FRAS1: variants seen among roughly 807,000 people sequenced by gnomAD.
FRAS1 encodes Fraser extracellular matrix complex subunit 1, also known as extracellular matrix organizing protein FRAS1.
FRAS1 carries 290 observed loss-of-function variants against 435.2 expected under a neutral mutation model. That is an observed-to-expected ratio of 0.67 (90% CI 0.61 to 0.73). The LOEUF (loss-of-function observed/expected upper bound fraction) is 0.73. Among genes scored for constraint, FRAS1 ranks in the 30% least tolerant of loss-of-function variants. The pLI is 0.00. For missense variants in FRAS1, 4,860 were observed against 5,001.5 expected (o/e 0.97, Z 0.85); for synonymous variants, 1,800 against 1,851.0 (o/e 0.97, Z 0.71).
At chr4:78,473,682 C>T (rs35583270) in intron 53 of FRAS1, 85 bp downstream of exon 53, 9 of 1,011,954 alleles carry the variant, frequency 8.9e-6, no homozygotes, top group African/African-American at 4.9e-5. Context: ...GGGGGCAGCT[C>T]TAGTCACCTC....
intron 31 of FRAS1, among the ~76,000 whole-genome samples, chr4:78,411,312 A>G (rs1342536555): frequency 6.6e-6 from 1 of 151,960 alleles, no homozygotes; most frequent in African/African-American, 2.4e-5. Context: ...GGATTTCACC[A>G]TGTTGGCCAG....
At chr4:78,185,687 A>G (rs1251021535) in intron 2 of FRAS1, among the ~76,000 whole-genome samples, 3 of 152,232 alleles carry the variant, frequency 2.0e-5, no homozygotes, top group Non-Finnish European at 4.4e-5. Flanking sequence ...GCATGTAAAA[A>G]TATCTATACT....
At chr4:78,180,478 G>A (rs1721951194) in intron 2 of FRAS1, among the ~76,000 whole-genome samples, 1 of 152,036 alleles carries the variant, frequency 6.6e-6, no homozygotes, top group Admixed American at 6.5e-5. Context: ...TTGTAATTGG[G>A]GGAACTTCTA....
chr4:78,236,238 G>A (rs1182730843), intron 2 of FRAS1, among the ~76,000 whole-genome samples: 2 of 151,798 alleles, frequency 1.3e-5, no homozygotes, highest in Non-Finnish European at 2.9e-5. Context: ...CAGATTATGG[G>A]GTCTGCATTT....
intron 23 of FRAS1, 67 bp downstream of exon 23, chr4:78,370,051 A>G: frequency 6.7e-7 from 1 of 1,483,122 alleles, no homozygotes; most frequent in Non-Finnish European, 9.2e-7. Context: ...ACTGATGTCT[A>G]GTTTTCCATA....
intron 9 of FRAS1, among the ~76,000 whole-genome samples, chr4:78,276,048 G>A (rs561301428): frequency 6.6e-5 from 10 of 151,966 alleles, no homozygotes; most frequent in South Asian, 2.1e-4. Context: ...TTCCCTTCTC[G>A]CTTCATTTCA....
chr4:78,123,255 T>A (rs1188604360), intron 2 of FRAS1, among the ~76,000 whole-genome samples: 2 of 152,242 alleles, frequency 1.3e-5, no homozygotes, highest in East Asian at 3.8e-4. Flanking sequence ...ATTGCTTTTA[T>A]GTGTCAGGTT....
chr4:78,105,109 G>A (rs559178716), intron 2 of FRAS1, among the ~76,000 whole-genome samples: 1 of 152,214 alleles, frequency 6.6e-6, no homozygotes, highest in Non-Finnish European at 1.5e-5. Context: ...GCATCAGCTG[G>A]CTCCCTGTGG....
At chr4:78,427,039 C>G (rs1049709051) in intron 35 of FRAS1, among the ~76,000 whole-genome samples, 1 of 152,144 alleles carries the variant, frequency 6.6e-6, no homozygotes, top group African/African-American at 2.4e-5. Flanking sequence ...GTTTGAATGT[C>G]CCTTCCCAAA....
At chr4:78,370,474 G>A (rs1203643189) in intron 23 of FRAS1, among the ~76,000 whole-genome samples, 2 of 152,168 alleles carry the variant, frequency 1.3e-5, no homozygotes, top group African/African-American at 2.4e-5. Flanking sequence ...CAGTGCAACC[G>A]TAGGTTGAAA....
intron 43 of FRAS1, among the ~76,000 whole-genome samples, 158 bp downstream of exon 43, chr4:78,447,038 G>C (rs1718859081): frequency 6.6e-6 from 1 of 150,902 alleles, no homozygotes; most frequent in Non-Finnish European, 1.5e-5. Context: ...TATTTTTTTG[G>C]AGTCCTGGTA....
chr4:78,501,897 T>TA (rs1237851733), intron 61 of FRAS1, among the ~76,000 whole-genome samples: 1 of 152,218 alleles, frequency 6.6e-6, no homozygotes, highest in Admixed American at 6.5e-5. Flanking sequence ...TTAATTTTTG[T>TA]AAAAAGTGTA....
At chr4:78,392,661 C>A (rs2110336845) in intron 29 of FRAS1, among the ~76,000 whole-genome samples, 1 of 152,036 alleles carries the variant, frequency 6.6e-6, no homozygotes, top group East Asian at 1.9e-4. Context: ...TTTAATCATG[C>A]CCCCAGTTTT....
chr4:78,421,061 A>G (rs891825916), intron 33 of FRAS1, among the ~76,000 whole-genome samples: 1 of 151,694 alleles, frequency 6.6e-6, no homozygotes, highest in African/African-American at 2.4e-5. Context: ...CAAGGGCAGG[A>G]AGCATCCAGC....
At chr4:78,441,788 C>T (rs964461249) in intron 41 of FRAS1, among the ~76,000 whole-genome samples, 1 of 152,172 alleles carries the variant, frequency 6.6e-6, no homozygotes, top group African/African-American at 2.4e-5. Flanking sequence ...TAGCTTCTGT[C>T]TCAGCTCCTT....
intron 9 of FRAS1, among the ~76,000 whole-genome samples, chr4:78,276,864 A>G (rs1034960506): frequency 6.6e-6 from 1 of 152,208 alleles, no homozygotes; most frequent in African/African-American, 2.4e-5. Context: ...ACATTTAACT[A>G]TGCAGAGGTT....
chr4:78,293,501 A>G (rs190167415), intron 14 of FRAS1, among the ~76,000 whole-genome samples: 50 of 152,072 alleles, frequency 3.3e-4, no homozygotes, highest in African/African-American at 1.2e-3. Context: ...CAGACTCTCT[A>G]TTTTTCTCAC....
intron 14 of FRAS1, among the ~76,000 whole-genome samples, chr4:78,305,540 G>A (rs1443984342): frequency 7.1e-6 from 1 of 140,834 alleles, no homozygotes; most frequent in Admixed American, 7.2e-5. Flanking sequence ...ATGAATCTGG[G>A]TGCTGCTGTA....
chr4:78,447,026 A>G, intron 43 of FRAS1, 146 bp downstream of exon 43: 2 of 830,876 alleles, frequency 2.4e-6, no homozygotes, highest in Non-Finnish European at 3.5e-6. Context: ...ACAGCTGGCT[A>G]ATATTTTTTT....
Sources: gnomAD v4.1 joint callset for allele counts (sites outside exome capture counted in the v4.1 genomes callset) on GRCh38, gnomAD v4.1.1 for gene constraint, MANE v1.5 for transcripts, NCBI Gene and HGNC (gene_info 2026-07-23, HGNC 2026-07-21) for gene names.